Variants in STXBP6 observed in about 807,000 individuals in gnomAD.
STXBP6 encodes syntaxin-binding protein 6.
STXBP6 carries 21 observed loss-of-function variants against 26.9 expected under a neutral mutation model. That is an observed-to-expected ratio of 0.78 (90% confidence interval 0.55 to 1.12). The LOEUF is 1.12. Among genes scored for constraint, STXBP6 ranks in the 50% most tolerant of loss-of-function variants. The pLI, the probability that STXBP6 is intolerant of heterozygous loss-of-function variation, is 0.00. For missense variants in STXBP6, 232 were observed against 257.9 expected, an observed-to-expected ratio of 0.90 and a Z score of 0.69; for synonymous variants, 97 against 92.6, an observed-to-expected ratio of 1.05 and a Z score of -0.27.
chr14:24,943,860 A>G (rs1297004185), intron 2 of STXBP6, among the ~76,000 whole-genome samples: 1 of 152,242 alleles, frequency 6.6e-6, no homozygotes, highest in Admixed American at 6.5e-5. Flanking sequence ...AAATAAAAAC[A>G]TATTTCCTTA....
At chr14:24,885,773 A>G (rs2070559575) in intron 2 of STXBP6, among the ~76,000 whole-genome samples, 1 of 152,254 alleles carries the variant, frequency 6.6e-6, no homozygotes, top group African/African-American at 2.4e-5. Context: ...AACCCTAAAG[A>G]ACATTGGCCA....
intron 2 of STXBP6, among the ~76,000 whole-genome samples, chr14:24,894,440 A>C (rs191482693): frequency 5.9e-5 from 9 of 152,234 alleles, no homozygotes; most frequent in Non-Finnish European, 1.3e-4. Flanking sequence ...GTCAGGTGGA[A>C]ATATTTACTA....
intron 2 of STXBP6, among the ~76,000 whole-genome samples, chr14:24,937,875 T>C (rs556894518): frequency 6.6e-6 from 1 of 152,274 alleles, no homozygotes; most frequent in South Asian, 2.1e-4. Flanking sequence ...TTCAGATATT[T>C]TGTTAATTAT....
At chr14:24,821,880 A>C (rs1171385515) in intron 4 of STXBP6, among the ~76,000 whole-genome samples, 2 of 151,996 alleles carry the variant, frequency 1.3e-5, no homozygotes, top group African/African-American at 4.8e-5. Context: ...TTTTTCCTCT[A>C]TTGACTTAGA....
chr14:24,903,258 T>C (rs889080260), intron 2 of STXBP6, among the ~76,000 whole-genome samples: 13 of 152,200 alleles, frequency 8.5e-5, no homozygotes, highest in Non-Finnish European at 1.6e-4. Context: ...GTTTGTTTCA[T>C]TGAGACAGTG....
rs184539026 is a variant in STXBP6, at chr14:24,855,377, C to T, written c.451+559G>A. ...TGCCACCTAAGAAATGTGCTAAGCA[C>T]CCTCTAAACATTTCTCATTATGTTG... On this transcript the variant is annotated intron_variant, in intron 4 of 5. Transcript: ENST00000323944. Among the ~76,000 whole-genome samples, 415 of 152,184 alleles carry T rather than the reference C, an allele frequency of 2.7e-3. 2 individuals are homozygous for T. Among genetic ancestry groups the T allele is most frequent in the African/African-American group, 9.4e-3 (389 of 41,556 alleles).
intron 2 of STXBP6, among the ~76,000 whole-genome samples, chr14:24,866,636 A>G (rs2069732591): frequency 6.6e-6 from 1 of 152,046 alleles, no homozygotes. Context: ...AACATTGCTG[A>G]AAGAAATTGA....
chr14:24,848,703 C>T (rs1244084229), intron 4 of STXBP6, among the ~76,000 whole-genome samples: 1 of 152,128 alleles, frequency 6.6e-6, no homozygotes, highest in East Asian at 1.9e-4. Context: ...AAAATTGCAT[C>T]TGTGACCCAT....
chr14:24,988,002 TAGCCAATCAATGC>T, intron 1 of STXBP6: 1 of 472,674 alleles, frequency 2.1e-6, no homozygotes, highest in Non-Finnish European at 2.8e-6. Context: ...ATCAACAAGT[TAGCCAATCAATGC>T]AGCAGCTGAG....
intron 2 of STXBP6, among the ~76,000 whole-genome samples, chr14:24,881,490 C>A (rs538271118): frequency 6.6e-6 from 1 of 150,866 alleles, no homozygotes; most frequent in Admixed American, 6.6e-5. Flanking sequence ...TTAAGAATGA[C>A]AAGCTGAAGT....
chr14:24,859,580 C>T (rs1352163978), intron 2 of STXBP6, among the ~76,000 whole-genome samples: 2 of 152,024 alleles, frequency 1.3e-5, no homozygotes, highest in African/African-American at 4.8e-5. Flanking sequence ...AAAAAATACG[C>T]CAGTCACACA....
chr14:24,829,333 G>T (rs1397461926), intron 4 of STXBP6, among the ~76,000 whole-genome samples: 1 of 152,104 alleles, frequency 6.6e-6, no homozygotes, highest in East Asian at 1.9e-4. Context: ...AACTGTGATT[G>T]CAGTTTAAAT....
intron 1 of STXBP6, among the ~76,000 whole-genome samples, chr14:24,982,253 T>C (rs1646797003): frequency 6.6e-6 from 1 of 152,202 alleles, no homozygotes; most frequent in African/African-American, 2.4e-5. Flanking sequence ...AGTCCAGGCA[T>C]AGTGTTGAGA....
At chr14:24,874,163 C>T (rs894914862) in intron 2 of STXBP6, among the ~76,000 whole-genome samples, 1 of 152,106 alleles carries the variant, frequency 6.6e-6, no homozygotes. Flanking sequence ...ATTGCTCACT[C>T]CCTCTCTCTT....
chr14:24,918,501 C>G (rs904049255), intron 2 of STXBP6, among the ~76,000 whole-genome samples: 12 of 146,492 alleles, frequency 8.2e-5, no homozygotes, highest in South Asian at 2.2e-4. Context: ...CACACACACA[C>G]AGCAGGCATG....
At chr14:24,869,106 T>C (rs2069831708) in intron 2 of STXBP6, among the ~76,000 whole-genome samples, 1 of 152,232 alleles carries the variant, frequency 6.6e-6, no homozygotes, top group Admixed American at 6.5e-5. Context: ...AACTCAAATA[T>C]GCATCACATG....
chr14:24,970,888 T>C (rs1036159858), intron 2 of STXBP6, among the ~76,000 whole-genome samples: 5 of 152,236 alleles, frequency 3.3e-5, no homozygotes, highest in Non-Finnish European at 2.9e-5. Flanking sequence ...TTTTTAATTT[T>C]AGTCATTGCT....
intron 1 of STXBP6, among the ~76,000 whole-genome samples, chr14:24,986,520 C>T (rs1462773632): frequency 6.6e-6 from 1 of 152,142 alleles, no homozygotes; most frequent in Non-Finnish European, 1.5e-5. Context: ...CTAACCATAC[C>T]AGGAGCCTGG....
At chr14:24,881,499 G>T (rs2070354366) in intron 2 of STXBP6, among the ~76,000 whole-genome samples, 1 of 145,738 alleles carries the variant, frequency 6.9e-6, no homozygotes, top group Non-Finnish European at 1.6e-5. Flanking sequence ...ACAAGCTGAA[G>T]TAAAACAGCA....
Sources: allele counts gnomAD v4.1 joint callset (sites outside exome capture counted in the v4.1 genomes callset), GRCh38; gene constraint gnomAD v4.1.1; transcripts MANE v1.5; gene names NCBI Gene and HGNC (gene_info 2026-07-23, HGNC 2026-07-21).